The following NELL2 variants were observed in gnomAD, a reference collection of about 807,000 sequenced individuals.
The protein encoded by NELL2 is neural EGFL like 2, also known as protein kinase C-binding protein NELL2.
Under a neutral mutation model 109.6 loss-of-function variants are expected in NELL2, and 41 were observed. That is an observed-to-expected ratio of 0.37 (90% CI 0.29 to 0.49). The LOEUF is 0.49. NELL2 is among the 20% of genes least tolerant of loss of function. The pLI, the probability that NELL2 is intolerant of heterozygous loss-of-function variation, is 0.98. For synonymous variants in NELL2, 355 were observed against 344.7 expected (o/e 1.03, Z -0.33); for missense variants, 900 against 1,008.3 (o/e 0.89, Z 1.45).
chr12:44,919,722 A>G (rs1358789217), intron 1 of NELL2, among the ~76,000 whole-genome samples: 1 of 152,192 alleles, frequency 6.6e-6, no homozygotes, highest in Non-Finnish European at 1.5e-5. Context: ...TCTCTCCCAC[A>G]GCCCTTGGAA....
intron 9 of NELL2, among the ~76,000 whole-genome samples, chr12:44,765,060 C>G (rs373438417): frequency 3.9e-5 from 6 of 152,236 alleles, no homozygotes; most frequent in Admixed American, 1.3e-4. Flanking sequence ...ATTCCTATCC[C>G]CATTAAAATT....
intron 10 of NELL2, among the ~76,000 whole-genome samples, chr12:44,712,735 T>A (rs1004451397): frequency 6.6e-6 from 1 of 151,990 alleles, no homozygotes; most frequent in Non-Finnish European, 1.5e-5. Context: ...TACATGTGGC[T>A]CTTTTACACT....
At chr12:44,577,211 T>C (rs1944126126) in intron 15 of NELL2, among the ~76,000 whole-genome samples, 1 of 95,132 alleles carries the variant, frequency 1.1e-5, no homozygotes, top group Admixed American at 1.3e-4. Flanking sequence ...GCACCTGTTG[T>C]TTCCTGACTT....
chr12:44,521,173 T>G (rs1941509353), intron 18 of NELL2, among the ~76,000 whole-genome samples: 1 of 152,230 alleles, frequency 6.6e-6, no homozygotes, highest in Non-Finnish European at 1.5e-5. Flanking sequence ...AGTAAAAGTT[T>G]TATAAATATA....
chr12:44,774,841 G>C lies in NELL2; in HGVS notation c.900C>G (p.Thr300=), dbSNP rs183942104. 2.5e-6 allele frequency: 4 copies of C among 1,609,420 alleles called. No homozygotes were observed. In the African/African-American group the frequency reaches 4.0e-5, roughly 16 times the overall value. Residue 300 remains threonine, a synonymous_variant, in exon 9 of 20, where the codon ACC becomes ACG. Coordinates refer to ENST00000429094, the MANE Select transcript of NELL2 (RefSeq NM_001145108.2). The part of the protein sequence containing the change: ...GCKNCTCLNG[T]IQCETLICPN... The stretch of plus-strand genomic sequence containing the variant: ...GGCAGATTAGAGTTTCACACTGGAT[G>C]GTTCCATTCTGAAAAGGAAACAATA...
At chr12:44,830,107 A>G (rs1451396060) in intron 2 of NELL2, among the ~76,000 whole-genome samples, 1 of 152,230 alleles carries the variant, frequency 6.6e-6, no homozygotes, top group Non-Finnish European at 1.5e-5. Context: ...TATATCCTTA[A>G]CATTTTATTC....
intron 9 of NELL2, among the ~76,000 whole-genome samples, chr12:44,765,028 A>G (rs1415559179): frequency 6.6e-6 from 1 of 152,134 alleles, no homozygotes; most frequent in African/African-American, 2.4e-5. Context: ...CAGGATTCTT[A>G]TTTTAACACA....
At chr12:44,874,323 C>T (rs1945251634) in intron 2 of NELL2, among the ~76,000 whole-genome samples, 1 of 152,194 alleles carries the variant, frequency 6.6e-6, no homozygotes, top group South Asian at 2.1e-4. Flanking sequence ...AACCAAACTC[C>T]ATTCTCTTTT....
At chr12:44,702,815 G>C (rs972618879) in intron 12 of NELL2, among the ~76,000 whole-genome samples, 1 of 149,974 alleles carries the variant, frequency 6.7e-6, no homozygotes, top group Non-Finnish European at 1.5e-5. Context: ...TTAAGAAAAA[G>C]AAAAAACTAT....
At chr12:44,695,304 AAAG>A (rs1197465226) in intron 12 of NELL2, among the ~76,000 whole-genome samples, 7 of 152,230 alleles carry the variant, frequency 4.6e-5, no homozygotes, top group African/African-American at 9.6e-5. Context: ...AAAAAAAAAA[AAAG>A]AAGAAGCAGC....
chr12:44,744,879 G>C (rs1940233413), intron 9 of NELL2, among the ~76,000 whole-genome samples: 1 of 152,164 alleles, frequency 6.6e-6, no homozygotes, highest in Non-Finnish European at 1.5e-5. Flanking sequence ...GAGATACAAA[G>C]AGGAGCTGGT....
At chr12:44,602,101 GT>G (rs1398320458) in intron 15 of NELL2, among the ~76,000 whole-genome samples, 2 of 152,110 alleles carry the variant, frequency 1.3e-5, no homozygotes, top group African/African-American at 4.8e-5. Context: ...TTTGTTTGTT[GT>G]TTTATTTGTT....
chr12:44,688,862 A>G (rs1948814776), intron 12 of NELL2, among the ~76,000 whole-genome samples: 1 of 152,236 alleles, frequency 6.6e-6, no homozygotes, highest in African/African-American at 2.4e-5. Context: ...TTTACTTTTC[A>G]GTATCCACAC....
intron 12 of NELL2, among the ~76,000 whole-genome samples, chr12:44,683,077 T>C (rs1379773296): frequency 6.6e-6 from 1 of 152,222 alleles, no homozygotes; most frequent in Admixed American, 6.5e-5. Flanking sequence ...CATTTGTTTG[T>C]ATCCTCTTTT....
chr12:44,774,781 C>G lies in NELL2; in HGVS notation c.960G>C (p.Ala320=), dbSNP rs140632179. 6.2e-7 allele frequency: 1 copy of G among 1,614,030 alleles called. No individual in the cohort carries two copies. The change falls in exon 9 of 20, where the codon GCG becomes GCC. Residue 320 remains alanine (A), a synonymous_variant. Coordinates refer to ENST00000429094, the MANE Select transcript of NELL2 (RefSeq NM_001145108.2). ...NPDCPLKSAL[A]YVDGKCCKEC... ...CCTTACAGCATTTGCCATCCACATACGCAAGAGCCGACTTAAGTGGGCAGT... is the reference window on the plus strand; with the variant it reads ...CCTTACAGCATTTGCCATCCACATAGGCAAGAGCCGACTTAAGTGGGCAGT...
chr12:44,670,944 A>G (rs1948117957), intron 12 of NELL2, among the ~76,000 whole-genome samples: 1 of 152,184 alleles, frequency 6.6e-6, no homozygotes, highest in Non-Finnish European at 1.5e-5. Flanking sequence ...TACATACTAC[A>G]TGGAGTTAAC....
At position 44,765,348 on chromosome 12, in the gene NELL2, C is replaced by T. The variant is rs376426542; in HGVS notation, c.994+9399G>A. On this transcript the variant is annotated intron_variant, in intron 9 of 19. Coordinates refer to ENST00000429094, the MANE Select transcript of NELL2 (RefSeq NM_001145108.2). ...AAGTGAGGGTCATTATGAAAGCAGCCGAGAATTTTTTTTTTAAGTTCACAA... is the reference window on the plus strand; with the variant it reads ...AAGTGAGGGTCATTATGAAAGCAGCTGAGAATTTTTTTTTTAAGTTCACAA... 4.8e-4 allele frequency among the ~76,000 whole-genome samples: 73 copies of T among 151,990 alleles called. 1 individual carries two copies. The East Asian group carries it at 7.2e-3, about 15-fold the overall frequency.
chr12:44,614,691 A>C (rs1945754392), intron 13 of NELL2, among the ~76,000 whole-genome samples: 1 of 152,100 alleles, frequency 6.6e-6, no homozygotes, highest in African/African-American at 2.4e-5. Context: ...TCCATATCCA[A>C]CAGTGTCATC....
chr12:44,703,977 T>C, intron 11 of NELL2, 123 bp from the exon 12 acceptor site: 3 of 757,580 alleles, frequency 4.0e-6, no homozygotes, highest in Non-Finnish European at 4.1e-6. Context: ...ATTAGTATCT[T>C]CATCAACATT....
Sources: allele counts gnomAD v4.1 joint callset (sites outside exome capture counted in the v4.1 genomes callset), GRCh38; gene constraint gnomAD v4.1.1; transcripts MANE v1.5; gene names NCBI Gene and HGNC (gene_info 2026-07-23, HGNC 2026-07-21).